RIMS1: variants seen among roughly 807,000 people sequenced by gnomAD.
The protein encoded by RIMS1 is regulating synaptic membrane exocytosis protein 1.
In RIMS1, 83 loss-of-function variants were observed where a neutral mutation model predicts 214.1. The observed-to-expected ratio is 0.39, with a 90% CI of 0.32 to 0.47. RIMS1 has a LOEUF of 0.47. Among genes scored for constraint, RIMS1 ranks in the 20% least tolerant of loss-of-function variants. The pLI is 0.99. For synonymous variants in RIMS1, 793 were observed against 786.8 expected, an observed-to-expected ratio of 1.01 and a Z score of -0.13; for missense variants, 2,050 against 2,161.8, an observed-to-expected ratio of 0.95 and a Z score of 1.03.
At chr6:72,272,746 A>G (rs2084065185) in intron 22 of RIMS1, among the ~76,000 whole-genome samples, 2 of 152,258 alleles carry the variant, frequency 1.3e-5, no homozygotes, top group Non-Finnish European at 2.9e-5. Context: ...AAAAATACTA[A>G]GTCTATATTT....
chr6:72,361,881 C>T (rs1480486818), intron 29 of RIMS1, among the ~76,000 whole-genome samples: 1 of 152,168 alleles, frequency 6.6e-6, no homozygotes. Context: ...TTCCATCTGC[C>T]AGCACAATTC....
chr6:71,992,428 TTCTTTCTTTCTTTCTTTCTTTC>T (rs1801968262), intron 2 of RIMS1, among the ~76,000 whole-genome samples: 3 of 140,774 alleles, frequency 2.1e-5, no homozygotes, highest in Admixed American at 7.0e-5. Context: ...CTTTCTTTCT[TTCTTTCTTTCTTTCTTTCTTTC>T]TCTTTCTCTT....
intron 2 of RIMS1, among the ~76,000 whole-genome samples, chr6:72,032,789 C>G (rs1456088690): frequency 6.6e-6 from 1 of 152,128 alleles, no homozygotes; most frequent in Non-Finnish European, 1.5e-5. Context: ...TGCATTTATT[C>G]AGAAGGATCT....
chr6:71,984,773 ATATCTATCTATCTATC>A lies in RIMS1; in HGVS notation c.245+15742_245+15757del, dbSNP rs70994108. Among the ~76,000 whole-genome samples, 1,361 of 146,720 alleles carry A rather than the reference ATATCTATCTATCTATC, an allele frequency of 9.3e-3. 6 individuals are homozygous for A. Among genetic ancestry groups the A allele is most frequent in the African/African-American group, 0.012 (466 of 39,060 alleles). On this transcript the variant is annotated intron_variant, in intron 2 of 33. Coordinates refer to ENST00000521978, the MANE Select transcript of RIMS1 (RefSeq NM_014989.7). The stretch of plus-strand genomic sequence containing the variant: ...TGTATGTATGTATGTATGTATGTAC[ATATCTATCTATCTATC>A]TATCTATCTATCTATCTATCTATCT...
intron 4 of RIMS1, among the ~76,000 whole-genome samples, chr6:72,105,634 GT>G (rs1221987226): frequency 6.6e-6 from 1 of 152,042 alleles, no homozygotes; most frequent in Non-Finnish European, 1.5e-5. Flanking sequence ...TCTTTTGCAA[GT>G]TTATTATTTA....
intron 1 of RIMS1, among the ~76,000 whole-genome samples, chr6:71,935,913 G>C (rs1784293638): frequency 6.6e-6 from 1 of 152,140 alleles, no homozygotes; most frequent in African/African-American, 2.4e-5. Context: ...CTGAAAGTAT[G>C]AACTATTGAA....
At chr6:72,355,062 T>A (rs1362551793) in intron 29 of RIMS1, among the ~76,000 whole-genome samples, 1 of 152,194 alleles carries the variant, frequency 6.6e-6, no homozygotes, top group Admixed American at 6.5e-5. Context: ...GTAGACAATA[T>A]CTTAGAAAGG....
intron 1 of RIMS1, among the ~76,000 whole-genome samples, chr6:71,950,902 G>C (rs146682615): frequency 1.3e-5 from 2 of 152,072 alleles, no homozygotes; most frequent in Non-Finnish European, 2.9e-5. Context: ...TGTGCATGCT[G>C]GTTTTTCTTA....
intron 29 of RIMS1, among the ~76,000 whole-genome samples, chr6:72,349,382 A>G (rs1368289134): frequency 2.6e-5 from 4 of 152,040 alleles, no homozygotes; most frequent in Non-Finnish European, 5.9e-5. Flanking sequence ...TACATTTAGG[A>G]AAGTTTCAAC....
chr6:72,244,443 C>A (rs1157245344), intron 10 of RIMS1, among the ~76,000 whole-genome samples: 1 of 151,710 alleles, frequency 6.6e-6, no homozygotes. Flanking sequence ...ATGTAAATTC[C>A]AAAGTTTGTA....
At chr6:72,037,053 C>G (rs1322071159) in intron 2 of RIMS1, among the ~76,000 whole-genome samples, 1 of 151,998 alleles carries the variant, frequency 6.6e-6, no homozygotes, top group African/African-American at 2.4e-5. Context: ...GGCCCAGAAC[C>G]CTTTGCCATC....
At chr6:72,398,928 C>A (rs567893810) in intron 32 of RIMS1, 27 bp from the exon 33 acceptor site, 3 of 1,393,096 alleles carry the variant, frequency 2.2e-6, no homozygotes, top group African/African-American at 1.4e-5. Context: ...GGAATAATTT[C>A]TTATATGTTA....
intron 6 of RIMS1, among the ~76,000 whole-genome samples, chr6:72,211,349 G>A (rs1177755030): frequency 6.6e-6 from 1 of 152,152 alleles, no homozygotes; most frequent in East Asian, 1.9e-4. Context: ...TAAAGAATGA[G>A]ATGCTAGATT....
intron 32 of RIMS1, 134 bp downstream of exon 32, chr6:72,398,484 T>A (rs764277928): frequency 2.3e-5 from 13 of 576,758 alleles, no homozygotes; most frequent in Middle Eastern, 2.8e-4. Flanking sequence ...GTTTCTGTGT[T>A]CTTTGATGTT....
Position 72,238,441 on chromosome 6 carries a change from T to A in RIMS1, c.1957+519T>A, listed in dbSNP as rs925838586. On this transcript the variant is annotated intron_variant, in intron 9 of 33. Transcript: ENST00000521978. ...GATTGTATAATAAAATATTAGTAAA[T>A]TTAAAAGTGACTCATGTAGATGTGC... is the stretch of plus-strand genomic sequence containing the variant. Among the ~76,000 whole-genome samples, 3 of 152,064 alleles carry A rather than the reference T, an allele frequency of 2.0e-5. No individual in the cohort carries two copies. In the East Asian group the frequency reaches 5.8e-4, roughly 29 times the overall value.
At chr6:71,908,242 CCTT>C (rs1226634523) in intron 1 of RIMS1, among the ~76,000 whole-genome samples, 2 of 152,184 alleles carry the variant, frequency 1.3e-5, no homozygotes, top group Non-Finnish European at 2.9e-5. Flanking sequence ...TTTGCTCTCT[CCTT>C]CTTCTCATTA....
intron 6 of RIMS1, among the ~76,000 whole-genome samples, chr6:72,205,959 A>T (rs905299678): frequency 6.6e-6 from 1 of 152,146 alleles, no homozygotes; most frequent in Non-Finnish European, 1.5e-5. Flanking sequence ...TATCTATACT[A>T]TATGGTATGT....
At chr6:72,076,856 G>T (rs914975813) in intron 2 of RIMS1, among the ~76,000 whole-genome samples, 2 of 152,086 alleles carry the variant, frequency 1.3e-5, no homozygotes, top group Admixed American at 6.5e-5. Flanking sequence ...CCTTGCTTAT[G>T]GTCTGGTTTC....
intron 29 of RIMS1, among the ~76,000 whole-genome samples, chr6:72,351,558 A>G (rs1564405658): frequency 6.6e-6 from 1 of 152,200 alleles, no homozygotes; most frequent in Non-Finnish European, 1.5e-5. Context: ...AATTGGCTGG[A>G]TTCTTCAAGG....
Sources: allele counts gnomAD v4.1 joint callset (sites outside exome capture counted in the v4.1 genomes callset), GRCh38; gene constraint gnomAD v4.1.1; transcripts MANE v1.5; gene names NCBI Gene and HGNC (gene_info 2026-07-23, HGNC 2026-07-21).